NLGN4Y: variants seen among roughly 807,000 people sequenced by gnomAD.
NLGN4Y encodes the protein neuroligin-4, Y-linked.
A neutral mutation model predicts 8.4 loss-of-function variants in NLGN4Y; 4 were observed. That is an observed-to-expected ratio of 0.48 (90% CI 0.23 to 1.09). The LOEUF (loss-of-function observed/expected upper bound fraction) is 1.09. Ranked by LOEUF, NLGN4Y falls within the 50% of genes least tolerant of loss-of-function variation. The pLI, the probability that NLGN4Y is intolerant of heterozygous loss-of-function variation, is 0.19. For missense variants in NLGN4Y, 90 were observed against 192.3 expected (o/e 0.47, Z 3.15); for synonymous variants, 35 against 75.6 (o/e 0.46, Z 2.78).
chrY:14,583,125 G>A, intron 1 of NLGN4Y, among the ~76,000 whole-genome samples: 1 of 33,294 alleles, frequency 3.0e-5, no homozygotes, highest in Non-Finnish European at 7.4e-5. Flanking sequence ...GATTGAATTG[G>A]GTTTAATTGG....
At chrY:14,558,266 G>C in intron 1 of NLGN4Y, among the ~76,000 whole-genome samples, 1 of 33,491 alleles carries the variant, frequency 3.0e-5, no homozygotes, top group South Asian at 6.8e-4. Context: ...CCACAAACTT[G>C]TAAATTGTAT....
intron 1 of NLGN4Y, among the ~76,000 whole-genome samples, chrY:14,532,334 C>T: frequency 3.0e-5 from 1 of 33,526 alleles, no homozygotes; most frequent in East Asian, 7.8e-4. Flanking sequence ...GGCAAAATCA[C>T]TTCTGTGGTC....
At chrY:14,674,433 A>C in intron 2 of NLGN4Y, among the ~76,000 whole-genome samples, 1 of 26,165 alleles carries the variant, frequency 3.8e-5, no homozygotes, top group Non-Finnish European at 8.5e-5. Context: ...AAGAAATTCT[A>C]TCTGGGATTC....
intron 1 of NLGN4Y, among the ~76,000 whole-genome samples, chrY:14,553,434 A>G: frequency 3.2e-5 from 1 of 31,449 alleles, no homozygotes; most frequent in Non-Finnish European, 7.6e-5. Context: ...TAAATTTCAT[A>G]TGGAACCAAA....
intron 4 of NLGN4Y, among the ~76,000 whole-genome samples, chrY:14,747,954 G>A: frequency 3.0e-5 from 1 of 33,864 alleles, no homozygotes; most frequent in Non-Finnish European, 7.3e-5. Flanking sequence ...ACCACTCTTT[G>A]TGTCTAAACC....
intron 1 of NLGN4Y, among the ~76,000 whole-genome samples, chrY:14,606,882 T>C: frequency 3.0e-5 from 1 of 32,831 alleles, no homozygotes; most frequent in Non-Finnish European, 7.5e-5. Flanking sequence ...AGTTTTTACC[T>C]TTGTTATCAA....
intron 4 of NLGN4Y, among the ~76,000 whole-genome samples, chrY:14,812,741 A>G: frequency 3.1e-5 from 1 of 32,701 alleles, no homozygotes; most frequent in Admixed American, 2.8e-4. Context: ...TACAATCAGG[A>G]GGCAAAACCC....
intron 4 of NLGN4Y, among the ~76,000 whole-genome samples, chrY:14,752,696 C>T (rs2081045324): frequency 3.0e-5 from 1 of 33,889 alleles, no homozygotes; most frequent in Non-Finnish European, 7.4e-5. Context: ...ATGGAAAATG[C>T]CATTACTTAC....
chrY:14,648,384 G>C, intron 2 of NLGN4Y, among the ~76,000 whole-genome samples: 1 of 32,458 alleles, frequency 3.1e-5, no homozygotes, highest in Non-Finnish European at 7.5e-5. Context: ...TTTTAGCCTG[G>C]GCAACAGAGC....
At chrY:14,544,305 A>G in intron 1 of NLGN4Y, among the ~76,000 whole-genome samples, 1 of 33,637 alleles carries the variant, frequency 3.0e-5, no homozygotes, top group African/African-American at 1.2e-4. Flanking sequence ...ACTTGAAGGC[A>G]GCAGATTGTT....
At chrY:14,780,370 T>C in intron 4 of NLGN4Y, among the ~76,000 whole-genome samples, 3 of 33,411 alleles carry the variant, frequency 9.0e-5, no homozygotes, top group Non-Finnish European at 2.2e-4. Context: ...CATGAATTCA[T>C]ACTACTTGCT....
intron 2 of NLGN4Y, among the ~76,000 whole-genome samples, chrY:14,698,421 G>C (rs1023830361): frequency 2.7e-4 from 9 of 33,355 alleles, no homozygotes. Context: ...TAATTCTCAG[G>C]CAATCCCTTG....
chrY:14,591,180 G>A (rs1603500693), intron 1 of NLGN4Y, among the ~76,000 whole-genome samples: 7 of 32,494 alleles, frequency 2.2e-4, no homozygotes, highest in Non-Finnish European at 7.5e-5. Context: ...TGTCCAGTTA[G>A]TGGGGAGGCA....
Position 14,593,215 on chromosome Y carries a change from A to G in NLGN4Y, c.-111-28794A>G, listed in dbSNP as rs772907655. Among the ~76,000 whole-genome samples, 8 of 33,896 alleles carry G rather than the reference A, an allele frequency of 2.4e-4. No homozygotes were observed. In the East Asian group the frequency reaches 6.3e-3, roughly 27 times the overall value. 90.9% of individuals were successfully genotyped at this position (33,896 alleles called of 37,273 possible). ...TTCTATCCAATTTGTAAAGGTATCA[A>G]CACAGACCAACAAGTATTGAAATCC... On this transcript the variant is annotated intron_variant, in intron 1 of 6. Coordinates refer to ENST00000684976, the MANE Select transcript of NLGN4Y (RefSeq NM_001365588.1).
intron 2 of NLGN4Y, among the ~76,000 whole-genome samples, chrY:14,707,125 A>ATATC (rs2080883953): frequency 6.8e-5 from 1 of 14,606 alleles, no homozygotes; most frequent in Non-Finnish European, 1.5e-4. Flanking sequence ...ATATATATAT[A>ATATC]TATATATATC....
At chrY:14,665,035 T>G (rs2080687670) in intron 2 of NLGN4Y, among the ~76,000 whole-genome samples, 1 of 33,536 alleles carries the variant, frequency 3.0e-5, no homozygotes, top group Admixed American at 2.7e-4. Context: ...ATTTTAGTGC[T>G]CAAAGTTTGA....
chrY:14,734,621 G>A (rs2080986616), intron 4 of NLGN4Y, among the ~76,000 whole-genome samples: 1 of 33,510 alleles, frequency 3.0e-5, no homozygotes, highest in Non-Finnish European at 7.4e-5. Context: ...TCCTGACTTT[G>A]GGGAGCTTCC....
At chrY:14,632,089 A>C in intron 2 of NLGN4Y, among the ~76,000 whole-genome samples, 3 of 34,147 alleles carry the variant, frequency 8.8e-5, no homozygotes, top group Middle Eastern at 0.027. Context: ...ATCAGTAATA[A>C]TAGAAAACAG....
At chrY:14,577,576 T>A in intron 1 of NLGN4Y, among the ~76,000 whole-genome samples, 1 of 34,604 alleles carries the variant, frequency 2.9e-5, no homozygotes, top group Admixed American at 2.6e-4. Context: ...GTAACAGTGC[T>A]GAAATAAATG....
Sources: gnomAD v4.1 joint callset for allele counts (sites outside exome capture counted in the v4.1 genomes callset) on GRCh38, gnomAD v4.1.1 for gene constraint, MANE v1.5 for transcripts, NCBI Gene and HGNC (gene_info 2026-07-23, HGNC 2026-07-21) for gene names.